The following HSF4 variants were observed in gnomAD, a reference collection of about 807,000 sequenced individuals.
HSF4 encodes heat shock transcription factor 4.
In HSF4, 41 loss-of-function variants were observed where a neutral mutation model predicts 52.0. That is an observed-to-expected ratio of 0.79 (90% CI 0.61 to 1.02). The LOEUF is 1.02. Ranked by LOEUF, HSF4 falls within the 50% of genes least tolerant of loss-of-function variation. HSF4 has a pLI of 0.00. For missense variants in HSF4, 610 were observed against 651.1 expected, an observed-to-expected ratio of 0.94 and a Z score of 0.69; for synonymous variants, 285 against 273.0, an observed-to-expected ratio of 1.04 and a Z score of -0.43.
rs2031318204 is a variant in HSF4, at chr16:67,166,597, A to G, written c.601A>G (p.Ser201Gly). 1 of 1,613,864 alleles carries G rather than the reference A, an allele frequency of 6.2e-7. No homozygotes were observed. The highest frequency in any genetic ancestry group is 8.5e-7 in the Non-Finnish European group (1 of 1,179,964). The change falls in exon 6 of 13, where the codon AGC (serine) becomes GGC (glycine). Residue 201 changes from serine (S) to glycine (G), a missense_variant. Physicochemically the swap from Ser to Gly is moderately conservative, Grantham distance 56. Coordinates refer to ENST00000521374, the MANE Select transcript of HSF4 (RefSeq NM_001374675.1). ...CLFGPLQAGP[S>G]NAGGKRKLSL... is the part of the protein sequence containing the mutation. ...CTTTGGGCCACTTCAGGCGGGGCCG[A>G]GCAATGCAGGAGGCAAGAGAAAGCT...
chr16:67,164,084 T>C (rs1339298862), upstream of HSF4: 3 of 688,924 alleles, frequency 4.4e-6, no homozygotes, highest in Non-Finnish European at 7.9e-6. Flanking sequence ...CTGCGGACTC[T>C]GCAGCTCCGC....
intron 9 of HSF4, 41 bp from the exon 10 acceptor site, chr16:67,168,790 G>C (rs371838761): frequency 6.8e-7 from 1 of 1,470,676 alleles, no homozygotes; most frequent in African/African-American, 1.4e-5. Context: ...AACTTAATGC[G>C]GGGTGGACAC....
chr16:67,168,035 T>A, intron 9 of HSF4, 88 bp downstream of exon 9: 1 of 1,065,252 alleles, frequency 9.4e-7, no homozygotes, highest in South Asian at 1.4e-5. Flanking sequence ...GACTCCATGA[T>A]ACTCACCTGA....
At chr16:67,166,214 G>A (rs1245255778) in intron 4 of HSF4, 106 bp from the exon 5 acceptor site, 7 of 1,378,244 alleles carry the variant, frequency 5.1e-6, no homozygotes, top group Non-Finnish European at 7.0e-6. Flanking sequence ...CTCTGGGATG[G>A]CCAGTCAGCG....
In HSF4 at chr16:67,166,600, A is replaced by C. The variant is rs1236003947; in HGVS notation, c.604A>C (p.Asn202His). 6.2e-7 allele frequency: 1 copy of C among 1,613,936 alleles called. No individual in the cohort carries two copies. The highest frequency in any genetic ancestry group is 1.7e-5 in the Admixed American group (1 of 60,014). The change falls in exon 6 of 13, where the codon AAT becomes CAT. Residue 202 changes from asparagine to histidine, a missense_variant. Transcript: ENST00000521374. Reference sequence around the variant, plus strand: ...TGGGCCACTTCAGGCGGGGCCGAGCAATGCAGGAGGCAAGAGAAAGCTGTG... The same window carrying C: ...TGGGCCACTTCAGGCGGGGCCGAGCCATGCAGGAGGCAAGAGAAAGCTGTG... ...LFGPLQAGPS[N>H]AGGKRKLSLM...
chr16:67,165,960 C>A lies in HSF4; in HGVS notation c.375C>A (p.Arg125=). ...CCCGCCTGCAGGTGCCCGCGCTGCG[C>A]GGCGACGACGGCCGCTGGCGCCCGG... ...ERVRRKVPAL[R]GDDGRWRPED... is the part of the protein sequence containing the mutation. Residue 125 remains arginine, a synonymous_variant, in exon 4 of 13, where the codon CGC becomes CGA. Coordinates refer to ENST00000521374, the MANE Select transcript of HSF4 (RefSeq NM_001374675.1). This position sits in a 1 kb window ranked among gnomAD's most constrained non-coding sequence, Gnocchi z 6.9. The A allele has an allele frequency of 6.4e-7, 1 of 1,565,128 alleles. No homozygotes were observed. The highest frequency in any genetic ancestry group is 2.4e-5 in the East Asian group (1 of 42,534).
intron 5 of HSF4, 69 bp from the exon 6 acceptor site, chr16:67,166,489 C>G: frequency 1.2e-6 from 2 of 1,600,648 alleles, no homozygotes; most frequent in Middle Eastern, 1.7e-4. Flanking sequence ...GCCTTCCTCC[C>G]TCACCTGGAA....
At chr16:67,164,712 G>A, upstream of HSF4, 8 of 1,378,984 alleles carry the variant, frequency 5.8e-6, no homozygotes, top group African/African-American at 1.5e-5. Context: ...GCGCCCCGGG[G>A]CGGAGTAGGG....
At position 67,165,980 on chromosome 16, in the gene HSF4, GC is replaced by G. The variant is rs775044989; in HGVS notation, c.398del (p.Pro133ArgfsTer40). The G allele has an allele frequency of 1.3e-6, 2 of 1,553,898 alleles. No homozygotes were observed. Among genetic ancestry groups the G allele is most frequent in the East Asian group, 4.8e-5 (2 of 41,834 alleles). On this transcript the variant is annotated frameshift_variant, in exon 4 of 13. Coordinates refer to ENST00000521374, the MANE Select transcript of HSF4 (RefSeq NM_001374675.1). LOFTEE classifies it high-confidence loss of function. The surrounding 1 kb of genome is among the most constrained non-coding windows in gnomAD (Gnocchi z 6.9). Reference protein sequence around the residue: ...PALRGDDGRWRPEDLGRLLGE... With the variant: ...PALRGDDGRWXPEDLGRLLGE... ...CTGCGCGGCGACGACGGCCGCTGGC[GC>G]CCGGAGGACCTGGGTCGACTACTGG...
Position 67,169,061 on chromosome 16 carries a change from G to T in HSF4, c.1214G>T (p.Arg405Leu). 1 of 1,613,822 alleles carries T rather than the reference G, an allele frequency of 6.2e-7. No individual in the cohort carries two copies. The highest frequency in any genetic ancestry group is 1.1e-5 in the South Asian group (1 of 91,074). Residue 405 changes from arginine to leucine, a missense_variant, in exon 11 of 13, where the codon CGA (arginine) becomes CTA (leucine). Coordinates refer to ENST00000521374, the MANE Select transcript of HSF4 (RefSeq NM_001374675.1). This position sits in a 1 kb window ranked among gnomAD's most constrained non-coding sequence, Gnocchi z 4.3. Reference protein sequence around the residue: ...LDVLGPSLQGREWTLMDLDME... With the variant: ...LDVLGPSLQGLEWTLMDLDME... Reference sequence around the variant, plus strand: ...GTGCTGGGCCCCAGTCTCCAAGGGCGAGAATGGACCCTGATGGACTTGGAC... The same window carrying T: ...GTGCTGGGCCCCAGTCTCCAAGGGCTAGAATGGACCCTGATGGACTTGGAC...
rs35750776 is a variant in HSF4 at position 67,169,647 on chromosome 16, C to T, written c.1341C>T (p.Leu447=). The T allele has an allele frequency of 6.2e-6, 10 of 1,609,444 alleles. No individual in the cohort carries two copies. The highest frequency in any genetic ancestry group is 5.3e-5 in the African/African-American group (4 of 74,916). Residue 447 remains leucine (L), a synonymous_variant, in exon 13 of 13, where the codon CTC becomes CTT. Coordinates refer to ENST00000521374, the MANE Select transcript of HSF4 (RefSeq NM_001374675.1). This position sits in a 1 kb window ranked among gnomAD's most constrained non-coding sequence, Gnocchi z 4.3. The stretch of plus-strand genomic sequence containing the variant: ...TTCTCCTAGGGAAGGACCCCACGCT[C>T]GGGGCCCCACTCCTGCTGGATGTCC... The part of the protein sequence containing the change: ...NSPSPGKDPT[L]GAPLLLDVQA...
chr16:67,166,100 A>AGG, intron 4 of HSF4, 30 bp downstream of exon 4: 14 of 481,108 alleles, frequency 2.9e-5, no homozygotes, highest in Non-Finnish European at 4.1e-5. Flanking sequence ...AAGAGGGGAC[A>AGG]GGGGTGGGGG....
intron 6 of HSF4, 72 bp from the exon 7 acceptor site, chr16:67,167,048 G>C: frequency 3.7e-6 from 6 of 1,606,662 alleles, no homozygotes; most frequent in Non-Finnish European, 5.1e-6. Context: ...GAGGGAGGGA[G>C]GGAAGTGCAG....
At position 67,165,238 on chromosome 16, in the gene HSF4, CAG is replaced by C; in HGVS notation, c.124-283_124-282del. The C allele has an allele frequency of 1.7e-6, 1 of 594,828 alleles. No individual in the cohort carries two copies. The highest frequency in any genetic ancestry group is 3.0e-6 in the Non-Finnish European group (1 of 334,388). 36.8% of individuals were successfully genotyped at this position (594,828 alleles called of 1,614,324 possible). A position where few individuals can be genotyped will look rare whatever the true frequency, so the allele number is the denominator to read the frequency against. On this transcript the variant is annotated intron_variant, in intron 1 of 12. Coordinates refer to ENST00000521374, the MANE Select transcript of HSF4 (RefSeq NM_001374675.1). The surrounding 1 kb of genome is among the most constrained non-coding windows in gnomAD (Gnocchi z 6.9). ...GGAGATGGGAAGGGCTGGTCTAGCT[CAG>C]GGTCACATTGCGGGGCTGGGAACCC...
At position 67,167,222 on chromosome 16, in the gene HSF4, G is replaced by C. The variant is rs377304567; in HGVS notation, c.729G>C (p.Ser243=). Residue 243 remains serine (S), a splice_region_variant and synonymous_variant, in exon 7 of 13, where the codon TCG becomes TCC. Coordinates refer to ENST00000521374, the MANE Select transcript of HSF4 (RefSeq NM_001374675.1). Reference sequence around the variant, plus strand: ...TGCAGGACCCCTACTTCATCCAGTCGGTAGGTTTGTCTTCTTCCCCCTTCC... The same window carrying C: ...TGCAGGACCCCTACTTCATCCAGTCCGTAGGTTTGTCTTCTTCCCCCTTCC... ...ALLQDPYFIQ[S]PLPETNLGLS... The C allele has an allele frequency of 6.8e-6, 11 of 1,614,004 alleles. No individual in the cohort carries two copies. Among genetic ancestry groups the C allele is most frequent in the African/African-American group, 1.3e-5 (1 of 74,914 alleles).
At chr16:67,166,148 T>C in intron 4 of HSF4, 78 bp downstream of exon 4, 1 of 1,456,912 alleles carries the variant, frequency 6.9e-7, no homozygotes, top group Non-Finnish European at 9.3e-7. Flanking sequence ...CCAGCAGTTC[T>C]GGGCAGCCCC....
chr16:67,163,967 C>T, upstream of HSF4: 2 of 1,253,620 alleles, frequency 1.6e-6, no homozygotes, highest in Non-Finnish European at 2.2e-6. Context: ...GTGATGGCAT[C>T]GGGACCAGTC....
chr16:67,164,822 C>T lies in HSF4; in HGVS notation c.11C>T (p.Ala4Val). 1.2e-6 allele frequency: 2 copies of T among 1,600,470 alleles called. No homozygotes were observed. The highest frequency in any genetic ancestry group is 1.7e-6 in the Non-Finnish European group (2 of 1,178,308). The change falls in exon 1 of 13, where the codon GCG becomes GTG. Residue 4 changes from alanine to valine, a missense_variant. Ala to Val is a moderately conservative substitution (Grantham distance 64, BLOSUM62 0). Coordinates refer to ENST00000521374, the MANE Select transcript of HSF4 (RefSeq NM_001374675.1). ...GGCCGAGACTGCACCATGCAGGAAG[C>T]GCCAGCTGCGCTGCCCACGGAGCCA... MQE[A>V]PAALPTEPGP... is the part of the protein sequence containing the mutation.
In HSF4 at chr16:67,169,720, A is replaced by G. The variant is rs201011907; in HGVS notation, c.1414A>G (p.Ile472Val). ...PALGLPGALT[I>V]YSTPESRTAS... Reference sequence around the variant, plus strand: ...CCTGGGCCTGCCTGGGGCTTTAACCATTTATAGCACTCCTGAGAGCCGGAC... The same window carrying G: ...CCTGGGCCTGCCTGGGGCTTTAACCGTTTATAGCACTCCTGAGAGCCGGAC... The change falls in exon 13 of 13, where the codon ATT becomes GTT. Residue 472 changes from isoleucine to valine, a missense_variant. By Grantham distance (29) the Ile-to-Val change is conservative. Transcript: ENST00000521374. This position sits in a 1 kb window ranked among gnomAD's most constrained non-coding sequence, Gnocchi z 4.3. The G allele has an allele frequency of 5.3e-4, 857 of 1,612,998 alleles. 6 individuals carry two copies. The African/African-American group carries it at 0.01, about 19-fold the overall frequency.
Sources: allele counts gnomAD v4.1 joint callset, GRCh38; gene constraint gnomAD v4.1.1; non-coding constraint Gnocchi (gnomAD v3.1); transcripts MANE v1.5; gene names NCBI Gene and HGNC (gene_info 2026-07-23, HGNC 2026-07-21).